ARB2A: variants seen among roughly 807,000 people sequenced by gnomAD.
ARB2A encodes the protein ARB2 cotranscriptional regulator A.
chr5:93,961,325 A>C, the ARB2A span, among the ~76,000 whole-genome samples: 1 of 152,190 alleles, frequency 6.6e-6, no homozygotes, highest in Non-Finnish European at 1.5e-5. Context: ...GTCCCCTGTT[A>C]CCAAGAAACT....
At chr5:93,768,104 A>G in the ARB2A span, among the ~76,000 whole-genome samples, 1 of 151,820 alleles carries the variant, frequency 6.6e-6, no homozygotes, top group African/African-American at 2.4e-5. Context: ...GGAATGGAAA[A>G]CCAAGTATCA....
chr5:93,644,698 A>G, the ARB2A span, among the ~76,000 whole-genome samples: 8 of 152,208 alleles, frequency 5.3e-5, no homozygotes, highest in Non-Finnish European at 1.2e-4. Context: ...GAGACAGAGA[A>G]AACCTGTTGT....
the ARB2A span, chr5:93,620,625 A>T: frequency 1.1e-5 from 2 of 187,504 alleles, no homozygotes; most frequent in African/African-American, 4.7e-5. Flanking sequence ...CGGCTCCGCT[A>T]CGGCGGGCGC....
chr5:94,030,110 G>A, the ARB2A span, among the ~76,000 whole-genome samples: 3 of 152,278 alleles, frequency 2.0e-5, no homozygotes, highest in East Asian at 5.8e-4. Context: ...GGGTCCCTCT[G>A]ATGACACATG....
chr5:93,740,881 A>C, the ARB2A span: 1 of 1,613,762 alleles, frequency 6.2e-7, no homozygotes, highest in Non-Finnish European at 8.5e-7. Flanking sequence ...CCGCTGGAAG[A>C]ATTTCTCCAG....
At chr5:93,639,631 G>C in the ARB2A span, among the ~76,000 whole-genome samples, 1 of 152,156 alleles carries the variant, frequency 6.6e-6, no homozygotes, top group Admixed American at 6.5e-5. Context: ...CTGTTGACTA[G>C]TTTAGAAAAT....
chr5:93,770,875 T>A, the ARB2A span, among the ~76,000 whole-genome samples: 221 of 152,196 alleles, frequency 1.5e-3, no homozygotes, highest in African/African-American at 5.1e-3. Flanking sequence ...GTGGCCATAC[T>A]GCCCAAGGTA....
At chr5:93,833,898 T>C in the ARB2A span, among the ~76,000 whole-genome samples, 1 of 152,320 alleles carries the variant, frequency 6.6e-6, no homozygotes, top group African/African-American at 2.4e-5. Context: ...GTATATTGTA[T>C]AGTGCTGAGG....
the ARB2A span, among the ~76,000 whole-genome samples, chr5:93,759,475 G>C: frequency 3.3e-5 from 5 of 152,058 alleles, no homozygotes; most frequent in African/African-American, 1.2e-4. Context: ...TATTCTTGAC[G>C]AACACAGATG....
the ARB2A span, among the ~76,000 whole-genome samples, chr5:93,918,496 A>G: frequency 7.3e-6 from 1 of 136,448 alleles, no homozygotes; most frequent in South Asian, 2.2e-4. Flanking sequence ...ATCTCAGCTC[A>G]CTGTAACCTC....
At chr5:93,646,993 A>T in the ARB2A span, among the ~76,000 whole-genome samples, 1 of 152,202 alleles carries the variant, frequency 6.6e-6, no homozygotes, top group Non-Finnish European at 1.5e-5. Flanking sequence ...ATATACACAC[A>T]TACTATTATT....
chr5:93,651,724 A>T, the ARB2A span, among the ~76,000 whole-genome samples: 1 of 152,230 alleles, frequency 6.6e-6, no homozygotes, highest in Non-Finnish European at 1.5e-5. Context: ...CACAAAAGTT[A>T]TAACAATATA....
the ARB2A span, chr5:94,074,811 C>G: frequency 5.9e-6 from 8 of 1,348,014 alleles, no homozygotes; most frequent in East Asian, 1.9e-4. Flanking sequence ...TACTCAAAAC[C>G]TATCTATTCC....
chr5:93,897,864 T>C, the ARB2A span, among the ~76,000 whole-genome samples: 3 of 151,844 alleles, frequency 2.0e-5, no homozygotes, highest in African/African-American at 7.2e-5. Context: ...ATAAGGCATA[T>C]GATTGGCTTA....
At chr5:93,725,294 T>C in the ARB2A span, among the ~76,000 whole-genome samples, 3 of 152,072 alleles carry the variant, frequency 2.0e-5, no homozygotes, top group Non-Finnish European at 4.4e-5. Context: ...GTAGCTGGTA[T>C]AGTGATTTTA....
the ARB2A span, among the ~76,000 whole-genome samples, chr5:93,836,302 C>T: frequency 1.3e-5 from 2 of 152,228 alleles, no homozygotes; most frequent in Non-Finnish European, 2.9e-5. Context: ...GCTAGGATTA[C>T]AGGCGTGAGC....
chr5:93,709,439 C>G, the ARB2A span, among the ~76,000 whole-genome samples: 1 of 151,532 alleles, frequency 6.6e-6, no homozygotes, highest in Non-Finnish European at 1.5e-5. Flanking sequence ...TCGAGACAAG[C>G]CTGGCCAACA....
At chr5:93,671,963 T>C in the ARB2A span, among the ~76,000 whole-genome samples, 1 of 152,190 alleles carries the variant, frequency 6.6e-6, no homozygotes, top group Admixed American at 6.5e-5. Context: ...GTAAGTACTG[T>C]CTAAGGAGAT....
At chr5:93,837,767 C>T in the ARB2A span, among the ~76,000 whole-genome samples, 1 of 152,060 alleles carries the variant, frequency 6.6e-6, no homozygotes. Context: ...ATTACTGATG[C>T]TGTGCATTTT....
Sources: allele counts gnomAD v4.1 joint callset (sites outside exome capture counted in the v4.1 genomes callset), GRCh38; gene constraint gnomAD v4.1.1; transcripts MANE v1.5; gene names NCBI Gene and HGNC (gene_info 2026-07-23, HGNC 2026-07-21).